Variants in SPDYA observed in about 807,000 individuals in gnomAD.
SPDYA encodes speedy/RINGO cell cycle regulator family member A.
In SPDYA, 11 loss-of-function variants were observed where a neutral mutation model predicts 36.7. That is an observed-to-expected ratio of 0.30 (90% CI 0.19 to 0.50). The LOEUF is 0.50. Among genes scored for constraint, SPDYA ranks in the 20% least tolerant of loss-of-function variants. The probability of loss-of-function intolerance (pLI) is 0.98; values close to 1 mark genes in which losing one functional copy is unlikely to be tolerated. For missense variants in SPDYA, 287 were observed against 370.9 expected, an observed-to-expected ratio of 0.77 and a Z score of 1.86; for synonymous variants, 115 against 118.7, an observed-to-expected ratio of 0.97 and a Z score of 0.20.
intron 5 of SPDYA, among the ~76,000 whole-genome samples, chr2:28,826,949 CTTTTTTTTT>C (rs1309143694): frequency 8.8e-6 from 1 of 113,808 alleles, no homozygotes; most frequent in African/African-American, 3.4e-5. Flanking sequence ...TCTTTTCTTT[CTTTTTTTTT>C]TTTTTTTTTT....
intron 7 of SPDYA, chr2:28,840,912 T>C (rs1668733921): frequency 1.0e-5 from 4 of 399,774 alleles, no homozygotes; most frequent in African/African-American, 4.3e-5. Context: ...CATGTCATTA[T>C]TGAGTCCTCC....
At chr2:28,821,197 C>CTTTTT (rs11464702) in intron 4 of SPDYA, among the ~76,000 whole-genome samples, 185 of 98,798 alleles carry the variant, frequency 1.9e-3, no homozygotes, top group Middle Eastern at 6.7e-3. Flanking sequence ...TTTTCTTTTT[C>CTTTTT]TTTTTTTTTT....
intron 7 of SPDYA, chr2:28,840,930 GTTTTTTTTTTTT>G (rs70956054): frequency 8.8e-6 from 1 of 114,256 alleles, no homozygotes; most frequent in Non-Finnish European, 1.6e-5. Context: ...TCCAAAACCA[GTTTTTTTTTTTT>G]TTTTTTTTTT....
At chr2:28,844,528 T>C (rs1331433815) in intron 7 of SPDYA, among the ~76,000 whole-genome samples, 1 of 152,162 alleles carries the variant, frequency 6.6e-6, no homozygotes, top group Admixed American at 6.5e-5. Context: ...GTGTACCGCA[T>C]TGCCAGATGA....
intron 4 of SPDYA, among the ~76,000 whole-genome samples, chr2:28,821,386 G>T (rs1258044444): frequency 2.0e-5 from 3 of 151,868 alleles, no homozygotes; most frequent in Admixed American, 2.0e-4. Context: ...ATTTTTAGTA[G>T]AGATGGGGGT....
intron 7 of SPDYA, among the ~76,000 whole-genome samples, chr2:28,845,011 C>T (rs1384160061): frequency 2.6e-5 from 4 of 152,074 alleles, no homozygotes; most frequent in Non-Finnish European, 1.5e-5. Flanking sequence ...GTCATGAACT[C>T]CTGGCCTTAA....
intron 7 of SPDYA, among the ~76,000 whole-genome samples, chr2:28,846,173 A>G (rs1392929846): frequency 6.6e-6 from 1 of 152,040 alleles, no homozygotes; most frequent in Non-Finnish European, 1.5e-5. Flanking sequence ...GGGAGGCTGA[A>G]GCGGGCAGAT....
chr2:28,834,738 T>C (rs894863279), intron 6 of SPDYA, among the ~76,000 whole-genome samples: 4 of 152,172 alleles, frequency 2.6e-5, no homozygotes, highest in East Asian at 1.9e-4. Context: ...TGGAGTGTGA[T>C]TGCTTTATAT....
At chr2:28,843,507 G>C (rs896577041) in intron 7 of SPDYA, among the ~76,000 whole-genome samples, 54 of 147,070 alleles carry the variant, frequency 3.7e-4, no homozygotes, top group African/African-American at 1.3e-3. Flanking sequence ...CTGAGATGGT[G>C]CCACTGCACT....
chr2:28,816,396 C>T, intron 3 of SPDYA, 147 bp downstream of exon 3: 1 of 637,130 alleles, frequency 1.6e-6, no homozygotes, highest in South Asian at 2.8e-5. Flanking sequence ...TTTTGTTTTA[C>T]TTAGTCTTTT....
intron 4 of SPDYA, 136 bp from the exon 5 acceptor site, chr2:28,822,189 A>G (rs1239949970): frequency 2.5e-6 from 1 of 406,388 alleles, no homozygotes; most frequent in African/African-American, 2.1e-5. Flanking sequence ...CCAAAAATTA[A>G]GTACACAATT....
chr2:28,819,843 AAAAAAAATATATATATATATATAT>A (rs1668097342), intron 4 of SPDYA, among the ~76,000 whole-genome samples: 14 of 42,916 alleles, frequency 3.3e-4, no homozygotes, highest in Non-Finnish European at 5.1e-4. Flanking sequence ...AAAAAAAAAA[AAAAAAAATATATATATATATATAT>A]ATATATATAT....
Position 28,816,048 on chromosome 2 carries a change from C to T in SPDYA, c.34C>T (p.Pro12Ser), listed in dbSNP as rs749421765. ...RHNQMCCETPPTVTVYVKSGS... is the reference protein window; with the variant it reads ...RHNQMCCETPSTVTVYVKSGS... ...CAATCAGATGTGTTGTGAGACACCACCTACTGTCACTGTTTATGTAAAATC... is the reference window on the plus strand; with the variant it reads ...CAATCAGATGTGTTGTGAGACACCATCTACTGTCACTGTTTATGTAAAATC... Residue 12 changes from proline (P) to serine (S), a missense_variant, in exon 3 of 8, where the codon CCT (proline) becomes TCT (serine). Pro to Ser is a moderately conservative substitution (Grantham distance 74, BLOSUM62 -1). Transcript: ENST00000334056. The T allele has an allele frequency of 3.7e-6, 6 of 1,613,648 alleles. No individual in the cohort carries two copies. The highest frequency in any genetic ancestry group is 1.3e-5 in the African/African-American group (1 of 74,880).
At chr2:28,833,782 G>A (rs1294799429) in intron 6 of SPDYA, among the ~76,000 whole-genome samples, 2 of 151,954 alleles carry the variant, frequency 1.3e-5, no homozygotes, top group African/African-American at 4.8e-5. Context: ...AAAACATAGG[G>A]GTAAGTCTTC....
chr2:28,845,351 C>T (rs755205302), intron 7 of SPDYA, among the ~76,000 whole-genome samples: 3 of 151,556 alleles, frequency 2.0e-5, no homozygotes, highest in Middle Eastern at 3.2e-3. Flanking sequence ...CCACCTTGGC[C>T]TCCCAAAGTG....
chr2:28,829,114 C>A (rs763539255), intron 5 of SPDYA, 34 bp from the exon 6 acceptor site: 15 of 1,587,084 alleles, frequency 9.5e-6, no homozygotes, highest in Non-Finnish European at 1.2e-5. Flanking sequence ...GTCCTTTACC[C>A]ATTTCTTTTT....
rs866421720 is a variant in SPDYA, at chr2:28,819,877, T to A, written c.294+771T>A. ...ATATATATATATATATATATATATATATATATATATATATATATATATATA... is the reference window on the plus strand; with the variant it reads ...ATATATATATATATATATATATATAAATATATATATATATATATATATATA... On this transcript the variant is annotated intron_variant, in intron 4 of 7. Coordinates refer to ENST00000334056, the MANE Select transcript of SPDYA (RefSeq NM_182756.4). Among the ~76,000 whole-genome samples, 76 of 30,456 alleles carry A rather than the reference T, an allele frequency of 2.5e-3. 9 individuals carry two copies. The highest frequency in any genetic ancestry group is 4.0e-3 in the Non-Finnish European group (60 of 15,124). 20.0% of individuals were successfully genotyped at this position (30,456 alleles called of 152,430 possible).
chr2:28,845,365 G>C (rs994688192), intron 7 of SPDYA, among the ~76,000 whole-genome samples: 5 of 151,648 alleles, frequency 3.3e-5, no homozygotes, highest in African/African-American at 1.2e-4. Flanking sequence ...CAAAGTGGTG[G>C]GGTTACAGAT....
intron 3 of SPDYA, among the ~76,000 whole-genome samples, chr2:28,817,898 T>A (rs949414659): frequency 7.6e-6 from 1 of 132,190 alleles, no homozygotes; most frequent in East Asian, 2.3e-4. Context: ...TGGTGGCTCA[T>A]GCCTGTAATC....
Sources: gnomAD v4.1 joint callset for allele counts (sites outside exome capture counted in the v4.1 genomes callset) on GRCh38, gnomAD v4.1.1 for gene constraint, MANE v1.5 for transcripts, NCBI Gene and HGNC (gene_info 2026-07-23, HGNC 2026-07-21) for gene names.